Variants in BLTP1 observed in about 807,000 individuals in gnomAD.
The protein encoded by BLTP1 is fragile site-associated protein.
the BLTP1 span, chr4:122,328,343 T>C: frequency 6.2e-7 from 1 of 1,608,838 alleles, no homozygotes. Flanking sequence ...GGTTTTATAT[T>C]TACAGGAAAC....
the BLTP1 span, chr4:122,333,698 T>G: frequency 1.2e-6 from 2 of 1,612,204 alleles, no homozygotes; most frequent in South Asian, 2.2e-5. Flanking sequence ...TTCAAACTAA[T>G]TATGCTTCTA....
At chr4:122,262,018 A>T in the BLTP1 span, 1 of 985,144 alleles carries the variant, frequency 1.0e-6, no homozygotes. Flanking sequence ...GTTTCCTTCC[A>T]GGTAGATGTC....
At chr4:122,240,198 T>C in the BLTP1 span, 1 of 1,614,162 alleles carries the variant, frequency 6.2e-7, no homozygotes, top group Non-Finnish European at 8.5e-7. Context: ...TTATCAGACT[T>C]ACCTTACTCA....
the BLTP1 span, chr4:122,189,674 C>T: frequency 1.1e-6 from 1 of 923,992 alleles, no homozygotes; most frequent in Non-Finnish European, 1.3e-6. Context: ...AAATCGATTT[C>T]TCTCATTCAA....
At chr4:122,278,925 C>T in the BLTP1 span, among the ~76,000 whole-genome samples, 1 of 152,226 alleles carries the variant, frequency 6.6e-6, no homozygotes, top group Non-Finnish European at 1.5e-5. Context: ...CCACCATGCC[C>T]AGCCATGACT....
At chr4:122,173,827 A>T in the BLTP1 span, among the ~76,000 whole-genome samples, 1 of 152,128 alleles carries the variant, frequency 6.6e-6, no homozygotes, top group African/African-American at 2.4e-5. Flanking sequence ...TCATTAAAAG[A>T]GTTTGAAAAA....
At chr4:122,352,846 C>T in the BLTP1 span, 5 of 1,583,672 alleles carry the variant, frequency 3.2e-6, no homozygotes, top group Non-Finnish European at 4.3e-6. Flanking sequence ...CTCACTCTAC[C>T]CTATCCAAGG....
the BLTP1 span, among the ~76,000 whole-genome samples, chr4:122,311,734 G>C: frequency 9.8e-4 from 149 of 152,284 alleles, 1 homozygote; most frequent in Middle Eastern, 3.4e-3. Context: ...ACAATATCAT[G>C]AATGTGTATT....
chr4:122,162,257 A>G, the BLTP1 span, among the ~76,000 whole-genome samples: 1 of 152,226 alleles, frequency 6.6e-6, no homozygotes, highest in Admixed American at 6.5e-5. Context: ...ATACTTTCCC[A>G]TGACAGTGCC....
At chr4:122,316,383 C>T in the BLTP1 span, 1 of 474,130 alleles carries the variant, frequency 2.1e-6, no homozygotes, top group Non-Finnish European at 4.4e-6. Flanking sequence ...GAGATGGCCA[C>T]AAACTCACCT....
chr4:122,180,137 A>G, the BLTP1 span: 1 of 985,322 alleles, frequency 1.0e-6, no homozygotes, highest in Non-Finnish European at 1.2e-6. Flanking sequence ...GAACTGGACA[A>G]AGGAGGTAAA....
the BLTP1 span, among the ~76,000 whole-genome samples, chr4:122,164,236 A>T: frequency 2.2e-4 from 33 of 152,216 alleles, no homozygotes; most frequent in Non-Finnish European, 1.8e-4. Flanking sequence ...GGCCATGGTT[A>T]TAAGGAGAGG....
At chr4:122,185,063 G>T in the BLTP1 span, 1 of 985,320 alleles carries the variant, frequency 1.0e-6, no homozygotes, top group African/African-American at 1.7e-5. Flanking sequence ...TACTAGTGAA[G>T]TAATAGTGAA....
chr4:122,216,265 C>A, the BLTP1 span, among the ~76,000 whole-genome samples: 1 of 152,096 alleles, frequency 6.6e-6, no homozygotes. Context: ...ATAATGACTT[C>A]TTTTCTTTTG....
At chr4:122,185,925 A>G in the BLTP1 span, 4 of 865,428 alleles carry the variant, frequency 4.6e-6, no homozygotes, top group Non-Finnish European at 4.9e-6. Context: ...GTATCATGGA[A>G]TTCTATTTTA....
the BLTP1 span, chr4:122,185,986 G>A: frequency 7.2e-7 from 1 of 1,385,782 alleles, no homozygotes; most frequent in South Asian, 1.5e-5. Context: ...TAAAAACTTT[G>A]AAGTTCTTAA....
At chr4:122,261,944 T>C in the BLTP1 span, 2 of 985,240 alleles carry the variant, frequency 2.0e-6, no homozygotes, top group African/African-American at 3.5e-5. Context: ...TTAAGACATT[T>C]AAGGGCTTCA....
chr4:122,190,512 T>G, the BLTP1 span: 1 of 826,986 alleles, frequency 1.2e-6, no homozygotes, highest in Non-Finnish European at 1.5e-6. Flanking sequence ...TAAATGTAGA[T>G]AAGAGTGAAA....
the BLTP1 span, among the ~76,000 whole-genome samples, chr4:122,299,523 C>T: frequency 6.6e-6 from 1 of 152,236 alleles, no homozygotes; most frequent in South Asian, 2.1e-4. Flanking sequence ...ACACCATCTG[C>T]TGCTGGATCA....
Sources: gnomAD v4.1 joint callset for allele counts (sites outside exome capture counted in the v4.1 genomes callset) on GRCh38, gnomAD v4.1.1 for gene constraint, MANE v1.5 for transcripts, NCBI Gene and HGNC (gene_info 2026-07-23, HGNC 2026-07-21) for gene names.